The following SMIM13 variants were observed in gnomAD, a reference collection of about 807,000 sequenced individuals.
SMIM13 encodes the protein small integral membrane protein 13.
Under a neutral mutation model 5.9 loss-of-function variants are expected in SMIM13, and 3 were observed. The observed-to-expected ratio is 0.51, with a 90% CI of 0.23 to 1.31. SMIM13 has a LOEUF of 1.31. SMIM13 is among the 40% of genes most tolerant of loss of function. The pLI, the probability that SMIM13 is intolerant of heterozygous loss-of-function variation, is 0.18. For missense variants in SMIM13, 85 were observed against 109.9 expected (o/e 0.77, Z 1.01); for synonymous variants, 55 against 46.0 (o/e 1.19, Z -0.79).
intron 1 of SMIM13, among the ~76,000 whole-genome samples, chr6:11,120,064 A>T (rs1271508405): frequency 6.6e-6 from 1 of 152,248 alleles, no homozygotes; most frequent in Non-Finnish European, 1.5e-5. Flanking sequence ...AAGATTGAAA[A>T]TGGAAAAGAG....
chr6:11,128,727 T>C (rs1581921042), intron 1 of SMIM13, among the ~76,000 whole-genome samples: 1 of 152,090 alleles, frequency 6.6e-6, no homozygotes, highest in African/African-American at 2.4e-5. Context: ...GCAATTTCCC[T>C]ATGGTTAGGA....
intron 1 of SMIM13, among the ~76,000 whole-genome samples, chr6:11,124,541 T>C (rs1758351691): frequency 1.3e-5 from 2 of 152,194 alleles, no homozygotes; most frequent in South Asian, 4.1e-4. Flanking sequence ...GATTGCTGGA[T>C]CATATGGTGG....
At chr6:11,103,705 A>T (rs1290437317) in intron 1 of SMIM13, 2 of 1,550,166 alleles carry the variant, frequency 1.3e-6, no homozygotes, top group Non-Finnish European at 1.7e-6. Context: ...TAGAAGGGTG[A>T]CTCTTGAATA....
chr6:11,129,866 G>T (rs891947966), intron 1 of SMIM13, among the ~76,000 whole-genome samples: 1 of 152,098 alleles, frequency 6.6e-6, no homozygotes, highest in Non-Finnish European at 1.5e-5. Flanking sequence ...TCTTTGCTCA[G>T]TCATACTTTT....
chr6:11,105,241 A>G (rs558809961), intron 1 of SMIM13: 1 of 1,614,166 alleles, frequency 6.2e-7, no homozygotes, highest in African/African-American at 1.3e-5. Flanking sequence ...TTTTCCAATA[A>G]CGGGAAATCA....
intron 1 of SMIM13, among the ~76,000 whole-genome samples, chr6:11,109,173 G>T (rs1758134115): frequency 6.6e-6 from 1 of 152,252 alleles, no homozygotes; most frequent in South Asian, 2.1e-4. Flanking sequence ...CTTAGGCAGA[G>T]TTTGCCCTAG....
chr6:11,104,818 G>C (rs759681553), intron 1 of SMIM13: 1 of 1,614,224 alleles, frequency 6.2e-7, no homozygotes, highest in Non-Finnish European at 8.5e-7. Flanking sequence ...TGGCGGAATT[G>C]GTTGTGGGTG....
At chr6:11,112,054 C>A (rs974415952) in intron 1 of SMIM13, among the ~76,000 whole-genome samples, 20 of 152,236 alleles carry the variant, frequency 1.3e-4, no homozygotes, top group African/African-American at 4.8e-4. Context: ...TGTTTCCTGT[C>A]TTTTGGGAGA....
At chr6:11,122,015 C>T (rs916361339) in intron 1 of SMIM13, among the ~76,000 whole-genome samples, 1 of 152,202 alleles carries the variant, frequency 6.6e-6, no homozygotes, top group Non-Finnish European at 1.5e-5. Flanking sequence ...TTCTGTCTAT[C>T]CCCCATGGGC....
chr6:11,101,247 C>T (rs531703414), intron 1 of SMIM13, among the ~76,000 whole-genome samples: 13 of 152,108 alleles, frequency 8.5e-5, no homozygotes, highest in African/African-American at 1.9e-4. Context: ...CTATGTTTAG[C>T]GTTGGACCTG....
At chr6:11,094,491 G>A in intron 1 of SMIM13, 102 bp downstream of exon 1, 2 of 907,520 alleles carry the variant, frequency 2.2e-6, no homozygotes, top group South Asian at 3.1e-5. Context: ...AAAAGGGCGT[G>A]GACGGACAAT....
chr6:11,098,785 A>G (rs1328194807), intron 1 of SMIM13, among the ~76,000 whole-genome samples: 1 of 152,054 alleles, frequency 6.6e-6, no homozygotes, highest in East Asian at 1.9e-4. Context: ...TGTTCTTCCT[A>G]CCACAGTGGC....
chr6:11,129,753 G>T (rs1334064185), intron 1 of SMIM13, among the ~76,000 whole-genome samples: 1 of 152,044 alleles, frequency 6.6e-6, no homozygotes, highest in African/African-American at 2.4e-5. Context: ...TTTAATTCAG[G>T]TAGTGTGATG....
chr6:11,123,803 C>A (rs976786217), intron 1 of SMIM13, among the ~76,000 whole-genome samples: 1 of 152,112 alleles, frequency 6.6e-6, no homozygotes, highest in African/African-American at 2.4e-5. Flanking sequence ...TTTATCATTT[C>A]TTTGTGTTGG....
chr6:11,106,653 G>A (rs1164973797), intron 1 of SMIM13, among the ~76,000 whole-genome samples: 4 of 152,226 alleles, frequency 2.6e-5, no homozygotes, highest in African/African-American at 9.6e-5. Flanking sequence ...ATTGGAGAGA[G>A]AGCAGTTCAC....
intron 1 of SMIM13, among the ~76,000 whole-genome samples, chr6:11,095,759 C>G (rs774045617): frequency 9.9e-5 from 15 of 152,144 alleles, no homozygotes; most frequent in Non-Finnish European, 1.8e-4. Context: ...TAACCTTTCT[C>G]AATTTTCTGC....
At chr6:11,125,294 T>TTA (rs776232655) in intron 1 of SMIM13, among the ~76,000 whole-genome samples, 10 of 105,194 alleles carry the variant, frequency 9.5e-5, no homozygotes, top group African/African-American at 3.9e-4. Context: ...GACTCCATCT[T>TTA]AAAAAAAAAA....
chr6:11,127,153 G>A lies in SMIM13; in HGVS notation c.77-7250G>A, dbSNP rs145053427. On this transcript the variant is annotated intron_variant, in intron 1 of 1. Transcript: ENST00000416247. ...CACTGCCTGGCTGCCACTTACGTTT[G>A]CTCAAGGCCCAAGGGCTCTACAATC... is the stretch of plus-strand genomic sequence containing the variant. Among the ~76,000 whole-genome samples, 67 of 152,302 alleles carry A rather than the reference G, an allele frequency of 4.4e-4. 1 individual carries two copies. The East Asian group carries it at 0.013, about 29-fold the overall frequency.
chr6:11,119,251 CCT>C (rs1374853358), intron 1 of SMIM13, among the ~76,000 whole-genome samples: 1 of 152,176 alleles, frequency 6.6e-6, no homozygotes, highest in Non-Finnish European at 1.5e-5. Context: ...TGCACTCTCT[CCT>C]CTCTCTCTTT....
Sources: allele counts gnomAD v4.1 joint callset (sites outside exome capture counted in the v4.1 genomes callset), GRCh38; gene constraint gnomAD v4.1.1; transcripts MANE v1.5; gene names NCBI Gene and HGNC (gene_info 2026-07-23, HGNC 2026-07-21).